CLPB: variants seen among roughly 807,000 people sequenced by gnomAD.
The protein encoded by CLPB is mitochondrial disaggregase.
A neutral mutation model predicts 78.4 loss-of-function variants in CLPB; 40 were observed. The observed-to-expected ratio is 0.51, with a 90% CI of 0.40 to 0.66. The LOEUF (loss-of-function observed/expected upper bound fraction) is 0.66, where lower values mean the gene tolerates loss of function less well. Ranked by LOEUF, CLPB falls within the 30% of genes least tolerant of loss-of-function variation. The pLI is 0.00. For missense variants in CLPB, 780 were observed against 886.9 expected, an observed-to-expected ratio of 0.88 and a Z score of 1.53; for synonymous variants, 333 against 348.0, an observed-to-expected ratio of 0.96 and a Z score of 0.48.
chr11:72,314,081 G>C (rs1245120078), intron 7 of CLPB, among the ~76,000 whole-genome samples: 1 of 152,192 alleles, frequency 6.6e-6, no homozygotes, highest in African/African-American at 2.4e-5. Context: ...TTATGTTTTT[G>C]GGCTGGTCAA....
At chr11:72,326,264 TC>T (rs1268724304) in intron 6 of CLPB, among the ~76,000 whole-genome samples, 1 of 152,132 alleles carries the variant, frequency 6.6e-6, no homozygotes, top group Non-Finnish European at 1.5e-5. Context: ...TAAATTCAGC[TC>T]AGTTGTCATC....
chr11:72,333,716 A>G (rs1360059759), intron 5 of CLPB, among the ~76,000 whole-genome samples: 3 of 152,324 alleles, frequency 2.0e-5, no homozygotes, highest in South Asian at 2.1e-4. Context: ...AGGAAGGAAC[A>G]AAGTGCTCAG....
chr11:72,426,023 G>T (rs2135153977), intron 2 of CLPB, among the ~76,000 whole-genome samples: 1 of 152,156 alleles, frequency 6.6e-6, no homozygotes, highest in East Asian at 1.9e-4. Context: ...TGTTCCCTGT[G>T]CCAAGCAGAG....
intron 3 of CLPB, among the ~76,000 whole-genome samples, chr11:72,382,045 G>A (rs1590873499): frequency 6.6e-6 from 1 of 151,906 alleles, no homozygotes. Context: ...GGCAGCATCT[G>A]CACATCCAGG....
intron 1 of CLPB, 69 bp downstream of exon 1, chr11:72,434,003 C>G (rs1856626626): frequency 6.5e-7 from 1 of 1,541,524 alleles, no homozygotes; most frequent in Non-Finnish European, 8.8e-7. Flanking sequence ...TACCTCCCAC[C>G]CTCCTAAGAT....
intron 3 of CLPB, among the ~76,000 whole-genome samples, chr11:72,390,272 T>C (rs939244274): frequency 6.6e-6 from 1 of 151,652 alleles, no homozygotes; most frequent in Non-Finnish European, 1.5e-5. Context: ...ACCCCATCTC[T>C]ACTAAAAATA....
chr11:72,359,275 C>A (rs1950788685), intron 4 of CLPB: 1 of 595,252 alleles, frequency 1.7e-6, no homozygotes, highest in Non-Finnish European at 3.2e-6. Flanking sequence ...CCTGACCTAA[C>A]TGACAAGGGA....
intron 11 of CLPB, 151 bp downstream of exon 11, chr11:72,301,651 TA>T: frequency 1.2e-6 from 1 of 845,222 alleles, no homozygotes; most frequent in Non-Finnish European, 1.9e-6. Flanking sequence ...GCAGAGGGGC[TA>T]AGTTGCACCT....
chr11:72,382,446 A>G (rs181870034), intron 3 of CLPB, among the ~76,000 whole-genome samples: 1 of 152,314 alleles, frequency 6.6e-6, no homozygotes, highest in Non-Finnish European at 1.5e-5. Context: ...CTCAAGGCCC[A>G]TGCCATCACA....
At chr11:72,360,531 C>T (rs1165618761) in intron 4 of CLPB, among the ~76,000 whole-genome samples, 1 of 151,992 alleles carries the variant, frequency 6.6e-6, no homozygotes, top group Non-Finnish European at 1.5e-5. Context: ...GCCTCTACCT[C>T]GGTTCAAGCG....
intron 5 of CLPB, 99 bp downstream of exon 5, chr11:72,358,781 T>A: frequency 1.1e-6 from 1 of 906,630 alleles, no homozygotes; most frequent in Non-Finnish European, 1.6e-6. Flanking sequence ...CCAAGTACTC[T>A]CTCCCCCTGC....
At chr11:72,386,732 T>G (rs1481418703) in intron 3 of CLPB, among the ~76,000 whole-genome samples, 1 of 152,192 alleles carries the variant, frequency 6.6e-6, no homozygotes, top group African/African-American at 2.4e-5. Flanking sequence ...CTTTTAAAAT[T>G]ACCTTCAAAG....
At position 72,295,765 on chromosome 11, in the gene CLPB, G is replaced by C. The variant is rs146404707; in HGVS notation, c.1330-117C>G. On this transcript the variant is annotated intron_variant, in intron 11 of 15. Coordinates refer to ENST00000538039, the MANE Select transcript of CLPB (RefSeq NM_001258392.3). ...CCCCAGAGCCCTGTGTCTCCCTCCAGCCCCAGCAGCCAGCTGCTTCCTCCT... is the reference window on the plus strand; with the variant it reads ...CCCCAGAGCCCTGTGTCTCCCTCCACCCCCAGCAGCCAGCTGCTTCCTCCT... The C allele has an allele frequency of 1.5e-3, 1,452 of 969,124 alleles. 14 individuals carry two copies. In the African/African-American group the frequency reaches 0.022, roughly 14 times the overall value. The allele number at this position is 969,124 out of a possible 1,614,324, so 60.0% of individuals were successfully genotyped here.
At position 72,381,834 on chromosome 11, in the gene CLPB, T is replaced by C. The variant is rs558294897; in HGVS notation, c.543-1450A>G. 2.6e-5 allele frequency among the ~76,000 whole-genome samples: 4 copies of C among 152,162 alleles called. No individual in the cohort carries two copies. The East Asian group carries it at 7.8e-4, about 30-fold the overall frequency. The stretch of plus-strand genomic sequence containing the variant: ...GGCCAGCACCTGTGGACACAGGCTC[T>C]AGGCCTGCTCAGTTTCACACCAGTC... On this transcript the variant is annotated intron_variant, in intron 3 of 15. Coordinates refer to ENST00000538039, the MANE Select transcript of CLPB (RefSeq NM_001258392.3).
intron 11 of CLPB, among the ~76,000 whole-genome samples, chr11:72,299,976 G>A (rs1190846478): frequency 6.6e-6 from 1 of 152,166 alleles, no homozygotes; most frequent in African/African-American, 2.4e-5. Context: ...GCCATCAGAG[G>A]TGCCTCTCCA....
At chr11:72,406,898 G>A (rs1281360760) in intron 2 of CLPB, among the ~76,000 whole-genome samples, 2 of 152,168 alleles carry the variant, frequency 1.3e-5, no homozygotes, top group Admixed American at 1.3e-4. Context: ...ATGGGTGTGT[G>A]TAGGTACGTG....
intron 9 of CLPB, 138 bp from the exon 10 acceptor site, chr11:72,302,486 G>T: frequency 1.3e-6 from 1 of 745,836 alleles, no homozygotes; most frequent in Non-Finnish European, 2.4e-6. Flanking sequence ...CGCTCAAGAT[G>T]TTTTTTTCTG....
At chr11:72,315,213 G>T (rs940999206) in intron 7 of CLPB, among the ~76,000 whole-genome samples, 23 of 152,272 alleles carry the variant, frequency 1.5e-4, no homozygotes, top group African/African-American at 2.9e-4. Flanking sequence ...TCTCTACACA[G>T]ATCAGAACAC....
At chr11:72,345,177 T>C (rs1950490124) in intron 5 of CLPB, among the ~76,000 whole-genome samples, 1 of 152,196 alleles carries the variant, frequency 6.6e-6, no homozygotes, top group Admixed American at 6.5e-5. Flanking sequence ...ATACCACTTC[T>C]AAGACTTTAC....
Sources: gnomAD v4.1 joint callset for allele counts (sites outside exome capture counted in the v4.1 genomes callset) on GRCh38, gnomAD v4.1.1 for gene constraint, MANE v1.5 for transcripts, NCBI Gene and HGNC (gene_info 2026-07-23, HGNC 2026-07-21) for gene names.